HECW2: variants seen among roughly 807,000 people sequenced by gnomAD.
The protein encoded by HECW2 is HECT, C2 and WW domain containing E3 ubiquitin protein ligase 2, also known as E3 ubiquitin-protein ligase HECW2.
Under a neutral mutation model 175.2 loss-of-function variants are expected in HECW2, and 61 were observed. The observed-to-expected ratio is 0.35, with a 90% CI of 0.28 to 0.43. The LOEUF is 0.43. HECW2 is among the 20% of genes least tolerant of loss of function. HECW2 has a pLI of 1.00. For synonymous variants in HECW2, 671 were observed against 731.0 expected (o/e 0.92, Z 1.32); for missense variants, 1,524 against 2,000.5 (o/e 0.76, Z 4.54).
At chr2:196,227,307 A>C (rs1687885393) in intron 22 of HECW2, among the ~76,000 whole-genome samples, 2 of 56,396 alleles carry the variant, frequency 3.5e-5, no homozygotes, top group African/African-American at 6.8e-5. Flanking sequence ...AATGAACAGG[A>C]ACAAGCAAAC....
In HECW2 at chr2:196,200,646, T is replaced by A. The variant is rs991198472; in HGVS notation, c.*631A>T. The A allele has an allele frequency of 1.3e-5, 2 of 152,664 alleles. No homozygotes were observed. The highest frequency in any genetic ancestry group is 4.8e-5 in the African/African-American group (2 of 41,456). 9.5% of individuals were successfully genotyped at this position (152,664 alleles called of 1,614,324 possible). A position where few individuals can be genotyped will look rare whatever the true frequency, so the allele number is the denominator to read the frequency against. ...AATAATGGTTTGTCTTTAGCCATAATTACACACATACCACTTGCATATACA... is the reference window on the plus strand; with the variant it reads ...AATAATGGTTTGTCTTTAGCCATAAATACACACATACCACTTGCATATACA... On this transcript the variant is annotated 3_prime_UTR_variant, in exon 29 of 29. Coordinates refer to ENST00000644978, the MANE Select transcript of HECW2 (RefSeq NM_001348768.2).
At chr2:196,425,614 A>G (rs986915881) in intron 2 of HECW2, among the ~76,000 whole-genome samples, 1 of 152,166 alleles carries the variant, frequency 6.6e-6, no homozygotes, top group African/African-American at 2.4e-5. Context: ...TGTGGTAGAA[A>G]TAGCAAGAGA....
intron 1 of HECW2, among the ~76,000 whole-genome samples, chr2:196,533,655 C>T (rs763010440): frequency 1.3e-5 from 2 of 152,112 alleles, no homozygotes; most frequent in African/African-American, 2.4e-5. Flanking sequence ...TCTTTATTTT[C>T]CATTAACAAT....
intron 1 of HECW2, chr2:196,592,587 C>T (rs1691240124): frequency 6.6e-6 from 1 of 152,378 alleles, no homozygotes. Flanking sequence ...AATGAAGCGT[C>T]CTCTCCCTCA....
chr2:196,541,097 C>T (rs1689196702), intron 1 of HECW2, among the ~76,000 whole-genome samples: 1 of 152,118 alleles, frequency 6.6e-6, no homozygotes, highest in South Asian at 2.1e-4. Context: ...CTCTACATTT[C>T]CTCCATAAGA....
At chr2:196,301,665 G>A (rs749862025) in intron 13 of HECW2, among the ~76,000 whole-genome samples, 57 of 150,298 alleles carry the variant, frequency 3.8e-4, no homozygotes, top group Non-Finnish European at 7.1e-4. Context: ...TGTAGGCCAC[G>A]TGTATGTCTT....
At position 196,375,987 on chromosome 2, in the gene HECW2, G is replaced by C. The variant is rs577523669; in HGVS notation, c.293-32223C>G. 7.9e-5 allele frequency among the ~76,000 whole-genome samples: 12 copies of C among 152,318 alleles called. No individual in the cohort carries two copies. The South Asian group carries it at 2.3e-3, about 29-fold the overall frequency. On this transcript the variant is annotated intron_variant, in intron 2 of 28. Coordinates refer to ENST00000644978, the MANE Select transcript of HECW2 (RefSeq NM_001348768.2). ...CTGGTCCATTTGGATACACTGTCAG[G>C]TCCAATTCCCTCTATCAGTCTACGT...
intron 1 of HECW2, among the ~76,000 whole-genome samples, chr2:196,519,746 C>G (rs576118399): frequency 1.3e-5 from 2 of 152,198 alleles, no homozygotes; most frequent in South Asian, 4.2e-4. Flanking sequence ...ATGTTTAAGC[C>G]AAGAAAATAC....
intron 28 of HECW2, among the ~76,000 whole-genome samples, chr2:196,207,284 T>C (rs552132410): frequency 9.0e-4 from 137 of 152,330 alleles, no homozygotes; most frequent in African/African-American, 3.1e-3. Flanking sequence ...GAAATCAGCA[T>C]GAGAAATCCA....
chr2:196,255,051 C>A (rs1689003359), intron 18 of HECW2, among the ~76,000 whole-genome samples: 1 of 150,816 alleles, frequency 6.6e-6, no homozygotes, highest in Non-Finnish European at 1.5e-5. Flanking sequence ...TGGCTCACTG[C>A]AACCTCTGCT....
rs59563276 is a variant in HECW2, at chr2:196,437,611, C to CAAAAAAAA, written c.-35-4161_-35-4154dup. On this transcript the variant is annotated intron_variant, in intron 1 of 28. Transcript: ENST00000644978. Reference sequence around the variant, plus strand: ...TGGGCAACAGAGTGAGACTCTGTCTCAAAAAAAAAAAAAGCACCAGCCTTG... The same window carrying CAAAAAAAA: ...TGGGCAACAGAGTGAGACTCTGTCTCAAAAAAAAAAAAAAAAAAAAAGCACCAGCCTTG... Among the ~76,000 whole-genome samples the CAAAAAAAA allele has an allele frequency of 7.2e-5, 4 of 55,786 alleles. 1 individual carries two copies. Among genetic ancestry groups the CAAAAAAAA allele is most frequent in the African/African-American group, 2.5e-4 (4 of 15,964 alleles). 36.6% of individuals were successfully genotyped at this position (55,786 alleles called of 152,430 possible).
intron 13 of HECW2, among the ~76,000 whole-genome samples, chr2:196,294,614 C>A (rs535076406): frequency 6.6e-6 from 1 of 152,156 alleles, no homozygotes; most frequent in East Asian, 1.9e-4. Flanking sequence ...CATTTATTGT[C>A]TTTGCTGTAC....
chr2:196,551,266 C>T (rs796829624), intron 1 of HECW2, among the ~76,000 whole-genome samples: 1 of 152,174 alleles, frequency 6.6e-6, no homozygotes, highest in South Asian at 2.1e-4. Context: ...GAGACACACC[C>T]ACTTCATTTT....
intron 1 of HECW2, among the ~76,000 whole-genome samples, chr2:196,579,320 A>G (rs2125525542): frequency 6.6e-6 from 1 of 152,252 alleles, no homozygotes; most frequent in East Asian, 1.9e-4. Flanking sequence ...AACACAAGAT[A>G]AGACAGTAAT....
intron 1 of HECW2, among the ~76,000 whole-genome samples, chr2:196,456,406 A>T (rs1696515559): frequency 6.6e-6 from 1 of 151,068 alleles, no homozygotes; most frequent in Admixed American, 6.6e-5. Context: ...TATCCCAGCA[A>T]GGAAAGTATT....
chr2:196,329,905 C>T, intron 4 of HECW2, among the ~76,000 whole-genome samples: 1 of 152,196 alleles, frequency 6.6e-6, no homozygotes, highest in South Asian at 2.1e-4. Flanking sequence ...CAAACTATGT[C>T]TTTTTTTCCC....
intron 2 of HECW2, among the ~76,000 whole-genome samples, chr2:196,404,470 C>A (rs960506074): frequency 5.3e-5 from 8 of 152,176 alleles, no homozygotes; most frequent in African/African-American, 1.7e-4. Context: ...CTTCTACTGC[C>A]TCCCCTAGTC....
chr2:196,581,704 T>C (rs1690792066), intron 1 of HECW2, among the ~76,000 whole-genome samples: 1 of 152,150 alleles, frequency 6.6e-6, no homozygotes, highest in African/African-American at 2.4e-5. Context: ...CTTTATTTTG[T>C]CTTATAATCA....
chr2:196,240,362 T>A, intron 21 of HECW2, 87 bp downstream of exon 21: 1 of 929,346 alleles, frequency 1.1e-6, no homozygotes, highest in Non-Finnish European at 1.6e-6. Context: ...AAGGATTTCC[T>A]GTTTCAGGCA....
Sources: allele counts gnomAD v4.1 joint callset (sites outside exome capture counted in the v4.1 genomes callset), GRCh38; gene constraint gnomAD v4.1.1; transcripts MANE v1.5; gene names NCBI Gene and HGNC (gene_info 2026-07-23, HGNC 2026-07-21).